Variants in PALB2 observed in about 807,000 individuals in gnomAD.
The protein encoded by PALB2 is partner and localizer of BRCA2, also known as mutant partner and localizer of BRCA2.
Under a neutral mutation model 107.4 loss-of-function variants are expected in PALB2, and 82 were observed. That is an observed-to-expected ratio of 0.76 (90% CI 0.64 to 0.92). The LOEUF (loss-of-function observed/expected upper bound fraction) is 0.92, where lower values mean the gene tolerates loss of function less well. PALB2 is among the 40% of genes least tolerant of loss of function. PALB2 has a pLI of 0.00. For synonymous variants in PALB2, 489 were observed against 496.8 expected, an observed-to-expected ratio of 0.98 and a Z score of 0.21; for missense variants, 1,374 against 1,379.9, an observed-to-expected ratio of 1.00 and a Z score of 0.07.
Position 23,627,943 on chromosome 16 carries a change from A to G in PALB2, c.2586+1261T>C, listed in dbSNP as rs150263091. The stretch of plus-strand genomic sequence containing the variant: ...CTTTAAGAGACTAAGTTATTAGGAC[A>G]CTGGGCATGGTGGCTCATGCCTGTG... On this transcript the variant is annotated intron_variant, in intron 6 of 12. Coordinates refer to ENST00000261584, the MANE Select transcript of PALB2 (RefSeq NM_024675.4). Among the ~76,000 whole-genome samples, 437 of 152,320 alleles carry G rather than the reference A, an allele frequency of 2.9e-3. 2 individuals carry two copies. The highest frequency in any genetic ancestry group is 0.01 in the African/African-American group (429 of 41,578).
chr16:23,632,836 G>A (rs755951871), intron 4 of PALB2, among the ~76,000 whole-genome samples: 3 of 152,210 alleles, frequency 2.0e-5, no homozygotes, highest in Admixed American at 6.5e-5. Flanking sequence ...GCTCACGCCT[G>A]TAATCCCAGC....
chr16:23,608,863 C>T (rs1466546172), intron 11 of PALB2, among the ~76,000 whole-genome samples: 1 of 149,990 alleles, frequency 6.7e-6, no homozygotes, highest in South Asian at 2.1e-4. Flanking sequence ...GAGTTTCGCT[C>T]GTTGCCCAGG....
In PALB2 at chr16:23,622,959, C is replaced by A. The variant is rs773023007; in HGVS notation, c.2996+10G>T. Reference sequence around the variant, plus strand: ...TCTAATAGTTAAAAATCAATCAATGCTTTTCTTACCCTCCATCTTCTGCAA... The same window carrying A: ...TCTAATAGTTAAAAATCAATCAATGATTTTCTTACCCTCCATCTTCTGCAA... On this transcript the variant is annotated intron_variant, in intron 9 of 12. Coordinates refer to ENST00000261584, the MANE Select transcript of PALB2 (RefSeq NM_024675.4). 1 of 1,613,900 alleles carries A rather than the reference C, an allele frequency of 6.2e-7. No individual in the cohort carries two copies. Among genetic ancestry groups the A allele is most frequent in the African/African-American group, 1.3e-5 (1 of 74,916 alleles).
chr16:23,623,385 G>T (rs2142339690), intron 8 of PALB2, among the ~76,000 whole-genome samples: 1 of 149,236 alleles, frequency 6.7e-6, no homozygotes, highest in South Asian at 2.1e-4. Context: ...CTGTATTTTT[G>T]TAGAGACGGG....
rs515726085 is a variant in PALB2, at chr16:23,636,314, C to T, written c.232G>A (p.Val78Ile). The change falls in exon 4 of 13, where the codon GTT (valine) becomes ATT (isoleucine). Residue 78 changes from valine to isoleucine, a missense_variant. Physicochemically the swap from Val to Ile is conservative, Grantham distance 29 (BLOSUM62 3). Coordinates refer to ENST00000261584, the MANE Select transcript of PALB2 (RefSeq NM_024675.4). Reference protein sequence around the residue: ...KHSEPKNKICVYDKLHIKTHL... With the variant: ...KHSEPKNKICIYDKLHIKTHL... ...GTTTTGATGTGTAACTTGTCATAAA[C>T]ACATATTTTATTTTTAGGTTCTGAG... 1.8e-4 allele frequency: 289 copies of T among 1,609,794 alleles called. 1 individual carries two copies. Among genetic ancestry groups the T allele is most frequent in the Non-Finnish European group, 2.3e-4 (276 of 1,178,016 alleles).
intron 1 of PALB2, among the ~76,000 whole-genome samples, chr16:23,639,079 TTCCCTCG>T (rs1414602935): frequency 6.6e-6 from 1 of 152,302 alleles, no homozygotes; most frequent in East Asian, 1.9e-4. Context: ...AAAGCCTAGA[TTCCCTCG>T]TCTCTCTGGC....
At position 23,608,006 on chromosome 16, in the gene PALB2, G is replaced by C. The variant is rs1966513064; in HGVS notation, c.3208C>G (p.Leu1070Val). Residue 1070 changes from leucine to valine, a missense_variant, in exon 12 of 13, where the codon CTC (leucine) becomes GTC (valine). Leu to Val is a conservative substitution (Grantham distance 32, BLOSUM62 1). Coordinates refer to ENST00000261584, the MANE Select transcript of PALB2 (RefSeq NM_024675.4). ...CHKAYSEMGLLFIVLSHPCAK... is the reference protein window; with the variant it reads ...CHKAYSEMGLVFIVLSHPCAK... ...CAGGGATGACTCAGGACAATAAAGA[G>C]AAGCCCCTAATTTCGGAGAAAAATA... 1.2e-6 allele frequency: 2 copies of C among 1,613,844 alleles called. No homozygotes were observed. Among genetic ancestry groups the C allele is most frequent in the Non-Finnish European group, 1.7e-6 (2 of 1,179,758 alleles).
In PALB2 at chr16:23,629,727, T is replaced by G. The variant is rs768064297; in HGVS notation, c.2427A>C (p.Thr809=). 1.9e-6 allele frequency: 3 copies of G among 1,614,202 alleles called. No individual in the cohort carries two copies. The highest frequency in any genetic ancestry group is 2.5e-6 in the Non-Finnish European group (3 of 1,180,036). ...AAGTGAATGACTCAATGGGTGGAGGTGTTCCTGGCGGGACAGAGTCACAGT... is the reference window on the plus strand; with the variant it reads ...AAGTGAATGACTCAATGGGTGGAGGGGTTCCTGGCGGGACAGAGTCACAGT... ...TCDCDSVPPG[T]PPPIESFTFK... is the part of the protein sequence containing the mutation. The change falls in exon 5 of 13, where the codon ACA becomes ACC. Residue 809 remains threonine, a synonymous_variant. Transcript: ENST00000261584.
intron 10 of PALB2, among the ~76,000 whole-genome samples, chr16:23,615,408 G>A (rs910298697): frequency 1.3e-4 from 19 of 151,638 alleles, no homozygotes; most frequent in African/African-American, 3.2e-4. Flanking sequence ...AGGCTCAAGC[G>A]ATCCTCCCAC....
intron 7 of PALB2, among the ~76,000 whole-genome samples, chr16:23,624,812 G>T (rs750047245): frequency 6.6e-6 from 1 of 152,092 alleles, no homozygotes; most frequent in African/African-American, 2.4e-5. Flanking sequence ...CGCCTGGCCA[G>T]AAAAATGTTT....
chr16:23,629,291 T>C lies in PALB2; in HGVS notation c.2515-16A>G, dbSNP rs1555460241. The C allele has an allele frequency of 6.2e-7, 1 of 1,607,976 alleles. No individual in the cohort carries two copies. Among genetic ancestry groups the C allele is most frequent in the African/African-American group, 1.3e-5 (1 of 74,922 alleles). ...CTGTTTCAGTCTGTGAAAACAAAAG[T>C]CACATCATTAGTCTACACTTTATGT... On this transcript the variant is annotated splice_polypyrimidine_tract_variant and intron_variant, in intron 5 of 12. Coordinates refer to ENST00000261584, the MANE Select transcript of PALB2 (RefSeq NM_024675.4).
chr16:23,634,899 G>T lies in PALB2; in HGVS notation c.1647C>A (p.His549Gln), dbSNP rs747842085. Residue 549 changes from histidine to glutamine, a missense_variant, in exon 4 of 13, where the codon CAC (histidine) becomes CAA (glutamine). His to Gln is a conservative substitution (Grantham distance 24, BLOSUM62 0). Coordinates refer to ENST00000261584, the MANE Select transcript of PALB2 (RefSeq NM_024675.4). ...VNRSKEEVTS[H>Q]KYQHEKLFIQ... is the part of the protein sequence containing the mutation. Reference sequence around the variant, plus strand: ...TAAATAATTTTTCGTGCTGATATTTGTGTGAGGTGACTTCTTCCTTGGACC... The same window carrying T: ...TAAATAATTTTTCGTGCTGATATTTTTGTGAGGTGACTTCTTCCTTGGACC... 8 of 1,613,952 alleles carry T rather than the reference G, an allele frequency of 5.0e-6. No homozygotes were observed. In the Admixed American group the frequency reaches 5.0e-5, roughly 10 times the overall value.
rs1967230769 is a variant in PALB2, at chr16:23,641,112, T to C, written c.46A>G (p.Lys16Glu). The C allele has an allele frequency of 1.9e-6, 3 of 1,613,470 alleles. No individual in the cohort carries two copies. Among genetic ancestry groups the C allele is most frequent in the Non-Finnish European group, 2.5e-6 (3 of 1,179,818 alleles). Reference protein sequence around the residue: ...GKPLSCEEKEKLKEKLAFLKR... With the variant: ...GKPLSCEEKEELKEKLAFLKR... ...CGCCCTTCCCGCACCCCCGGCACCT[T>C]TTCCTTCTCCTCACAGCTGAGGGGC... is the stretch of plus-strand genomic sequence containing the variant. The change falls in exon 1 of 13, where the codon AAG becomes GAG. Residue 16 changes from lysine (K) to glutamate (E), a missense_variant and splice_region_variant. Coordinates refer to ENST00000261584, the MANE Select transcript of PALB2 (RefSeq NM_024675.4).
At chr16:23,606,918 T>C (rs1966487708) in intron 12 of PALB2, among the ~76,000 whole-genome samples, 1 of 145,046 alleles carries the variant, frequency 6.9e-6, no homozygotes, top group Non-Finnish European at 1.5e-5. Flanking sequence ...GCCTCCCAGG[T>C]TCAAGTGACC....
At chr16:23,619,084 G>T (rs1966730152) in intron 10 of PALB2, among the ~76,000 whole-genome samples, 2 of 152,152 alleles carry the variant, frequency 1.3e-5, no homozygotes, top group African/African-American at 4.8e-5. Flanking sequence ...GTTAGGGTTG[G>T]ATGGTACATA....
At chr16:23,640,998 G>T in intron 1 of PALB2, 112 bp downstream of exon 1, 1 of 1,187,254 alleles carries the variant, frequency 8.4e-7, no homozygotes, top group Non-Finnish European at 1.2e-6. Flanking sequence ...AAGAGGAGGG[G>T]GTGGTCAGAT....
At chr16:23,637,650 A>G (rs1252596929) in intron 3 of PALB2, among the ~76,000 whole-genome samples, 200 bp downstream of exon 3, 2 of 152,198 alleles carry the variant, frequency 1.3e-5, no homozygotes, top group African/African-American at 4.8e-5. Context: ...GGTTGTAGTG[A>G]GCCAAGATTG....
intron 6 of PALB2, among the ~76,000 whole-genome samples, chr16:23,627,647 C>G (rs368259619): frequency 2.0e-5 from 3 of 152,098 alleles, no homozygotes; most frequent in East Asian, 3.9e-4. Flanking sequence ...TTACAGTTAT[C>G]CTGTTTATTA....
At chr16:23,629,060 C>A in intron 6 of PALB2, 144 bp downstream of exon 6, 1 of 713,302 alleles carries the variant, frequency 1.4e-6, no homozygotes, top group Admixed American at 2.3e-5. Flanking sequence ...GAAAAATAAC[C>A]AATCCAAATC....
Sources: allele counts gnomAD v4.1 joint callset (sites outside exome capture counted in the v4.1 genomes callset), GRCh38; gene constraint gnomAD v4.1.1; transcripts MANE v1.5; gene names NCBI Gene and HGNC (gene_info 2026-07-23, HGNC 2026-07-21).